TENM4: variants seen among roughly 807,000 people sequenced by gnomAD.
The protein encoded by TENM4 is teneurin-4.
A neutral mutation model predicts 243.3 loss-of-function variants in TENM4; 82 were observed. The observed-to-expected ratio is 0.34, with a 90% CI of 0.28 to 0.40. The LOEUF is 0.40. TENM4 is among the 10% of genes least tolerant of loss of function. TENM4 has a pLI of 1.00. For synonymous variants in TENM4, 1,412 were observed against 1,456.3 expected (o/e 0.97, Z 0.69); for missense variants, 3,138 against 3,673.3 (o/e 0.85, Z 3.77).
chr11:78,696,092 C>A (rs1428969664), intron 28 of TENM4, among the ~76,000 whole-genome samples: 3 of 151,684 alleles, frequency 2.0e-5, no homozygotes, highest in Non-Finnish European at 2.9e-5. Flanking sequence ...TTTTTTTCCT[C>A]TCTGTATTTT....
chr11:78,732,621 A>G (rs1565354364), intron 20 of TENM4, 44 bp from the exon 21 acceptor site: 1 of 1,543,172 alleles, frequency 6.5e-7, no homozygotes, highest in Admixed American at 1.9e-5. Context: ...GAGCAGGAAG[A>G]GCAGGAACCA....
chr11:79,381,737 C>T (rs1380422042), intron 1 of TENM4, among the ~76,000 whole-genome samples: 1 of 151,822 alleles, frequency 6.6e-6, no homozygotes, highest in East Asian at 1.9e-4. Context: ...TTCATATGTT[C>T]CTCCTGACAG....
chr11:79,013,074 T>G (rs1227944494), intron 6 of TENM4, among the ~76,000 whole-genome samples: 3 of 152,226 alleles, frequency 2.0e-5, no homozygotes, highest in Non-Finnish European at 4.4e-5. Context: ...GAAATGGCTT[T>G]CCTACTAATA....
intron 1 of TENM4, among the ~76,000 whole-genome samples, chr11:79,396,298 A>G (rs970871706): frequency 3.3e-5 from 5 of 152,154 alleles, no homozygotes; most frequent in Non-Finnish European, 7.4e-5. Context: ...CTAGCTTCTT[A>G]TCTCTCATGG....
At chr11:79,073,873 T>C (rs1240409541) in intron 4 of TENM4, among the ~76,000 whole-genome samples, 1 of 152,196 alleles carries the variant, frequency 6.6e-6, no homozygotes, top group Non-Finnish European at 1.5e-5. Context: ...TTAAAAGGCA[T>C]AATGTAGAAA....
chr11:79,069,503 G>A (rs1251181136), intron 5 of TENM4, among the ~76,000 whole-genome samples: 1 of 152,144 alleles, frequency 6.6e-6, no homozygotes, highest in African/African-American at 2.4e-5. Context: ...CAGGGAAGTG[G>A]GTGAGCGAGA....
In TENM4 at chr11:78,903,282, G is replaced by A; in HGVS notation, c.735C>T (p.Ile245=). Residue 245 remains isoleucine, a synonymous_variant, in exon 7 of 34, where the codon ATC becomes ATT. Transcript: ENST00000278550. ...CGGCCGCGCACCTGGTCTCCAGGGG[G>A]ATGTTGCTGTTGAGCAGCCAGTTCT... ...AQENWLLNSN[I]PLETRNLGKQ... The A allele has an allele frequency of 6.7e-7, 1 of 1,491,300 alleles. No individual in the cohort carries two copies. Among genetic ancestry groups the A allele is most frequent in the Non-Finnish European group, 8.9e-7 (1 of 1,124,840 alleles). The allele number at this position is 1,491,300 out of a possible 1,614,324, so 92.4% of individuals were successfully genotyped here.
chr11:78,976,425 C>A (rs918275457), intron 6 of TENM4, among the ~76,000 whole-genome samples: 2 of 151,948 alleles, frequency 1.3e-5, no homozygotes, highest in Admixed American at 6.5e-5. Context: ...AAAAAAAAAA[C>A]CAGAAAGCCA....
chr11:78,768,427 T>G (rs778657037), intron 18 of TENM4, among the ~76,000 whole-genome samples: 4 of 152,222 alleles, frequency 2.6e-5, no homozygotes, highest in African/African-American at 9.6e-5. Context: ...GCATCTGATA[T>G]CAGTTGAATG....
chr11:79,119,471 A>C (rs1262164778), intron 4 of TENM4, among the ~76,000 whole-genome samples: 2 of 152,206 alleles, frequency 1.3e-5, no homozygotes, highest in African/African-American at 4.8e-5. Flanking sequence ...TGCAAGGATA[A>C]TCAAGGAAAG....
At chr11:79,139,832 A>T (rs1225847243) in intron 4 of TENM4, among the ~76,000 whole-genome samples, 2 of 90,860 alleles carry the variant, frequency 2.2e-5, no homozygotes, top group Non-Finnish European at 4.0e-5. Context: ...TATATATAAT[A>T]CATAGATTAT....
chr11:79,188,438 T>C (rs1863416062), intron 3 of TENM4, among the ~76,000 whole-genome samples: 1 of 151,934 alleles, frequency 6.6e-6, no homozygotes, highest in South Asian at 2.1e-4. Flanking sequence ...CCCCAGCTTA[T>C]GAACCCTAGA....
At chr11:78,844,751 T>C (rs1313319956) in intron 12 of TENM4, among the ~76,000 whole-genome samples, 1 of 152,104 alleles carries the variant, frequency 6.6e-6, no homozygotes, top group Admixed American at 6.6e-5. Flanking sequence ...GTTGCCAGCC[T>C]GGAAGAGAGG....
chr11:78,812,685 C>T (rs997899911), intron 13 of TENM4, among the ~76,000 whole-genome samples: 4 of 152,110 alleles, frequency 2.6e-5, no homozygotes, highest in Admixed American at 6.5e-5. Flanking sequence ...AATCCCTCCT[C>T]CAGCGCTCTC....
intron 15 of TENM4, among the ~76,000 whole-genome samples, chr11:78,791,345 T>C (rs1857051480): frequency 6.6e-6 from 1 of 152,274 alleles, no homozygotes; most frequent in Non-Finnish European, 1.5e-5. Context: ...AAGTGGCTAG[T>C]GAAAGCTAAA....
chr11:78,781,492 T>C (rs1856836633), intron 16 of TENM4, among the ~76,000 whole-genome samples: 1 of 152,216 alleles, frequency 6.6e-6, no homozygotes, highest in African/African-American at 2.4e-5. Context: ...GTCTGCACGG[T>C]CTTAGCTCTC....
At chr11:79,113,850 G>T (rs1861562738) in intron 4 of TENM4, among the ~76,000 whole-genome samples, 1 of 152,186 alleles carries the variant, frequency 6.6e-6, no homozygotes, top group Non-Finnish European at 1.5e-5. Flanking sequence ...GAAGGAAGGA[G>T]ACCAAGACTT....
intron 6 of TENM4, among the ~76,000 whole-genome samples, chr11:79,040,008 G>A (rs909647464): frequency 8.1e-5 from 12 of 147,886 alleles, no homozygotes; most frequent in Non-Finnish European, 1.2e-4. Flanking sequence ...CTATATTCTC[G>A]GCTAAATAAA....
chr11:79,306,716 A>G (rs1199224774), intron 1 of TENM4, among the ~76,000 whole-genome samples: 1 of 152,138 alleles, frequency 6.6e-6, no homozygotes, highest in African/African-American at 2.4e-5. Context: ...TCAGAAGCAA[A>G]TATTATCACC....
Sources: gnomAD v4.1 joint callset for allele counts (sites outside exome capture counted in the v4.1 genomes callset) on GRCh38, gnomAD v4.1.1 for gene constraint, MANE v1.5 for transcripts, NCBI Gene and HGNC (gene_info 2026-07-23, HGNC 2026-07-21) for gene names.